PLEKHA5: variants seen among roughly 807,000 people sequenced by gnomAD.
PLEKHA5 encodes the protein pleckstrin homology domain-containing family A member 5.
A neutral mutation model predicts 181.9 loss-of-function variants in PLEKHA5; 55 were observed. The ratio of observed to expected loss-of-function variants is 0.30; its 90% confidence interval spans 0.24 to 0.38. PLEKHA5 has a LOEUF of 0.38. PLEKHA5 is among the 10% of genes least tolerant of loss of function. PLEKHA5 has a pLI of 1.00. For synonymous variants in PLEKHA5, 535 were observed against 529.4 expected (o/e 1.01, Z -0.15); for missense variants, 1,432 against 1,549.5 (o/e 0.92, Z 1.27).
intron 20 of PLEKHA5, among the ~76,000 whole-genome samples, chr12:19,334,831 TATATATATATATATATATATATA>T: frequency 1.3e-4 from 1 of 7,804 alleles, no homozygotes; most frequent in African/African-American, 2.9e-4. Context: ...AAAAAAAAAA[TATATATATATATATATATATATA>T]TATATATATA....
intron 3 of PLEKHA5, chr12:19,154,262 C>G (rs1355965243): frequency 6.6e-6 from 1 of 151,850 alleles, no homozygotes; most frequent in Non-Finnish European, 1.5e-5. Context: ...TTGGGTGTAT[C>G]TTTTTAAAAT....
rs539702412 is a variant in PLEKHA5 at position 19,214,165 on chromosome 12, T to G, written c.228-39775T>G. On this transcript the variant is annotated intron_variant, in intron 3 of 31. Coordinates refer to ENST00000429027, the MANE Select transcript of PLEKHA5 (RefSeq NM_001256470.2). ...GTCTAGCTGCTGTGTAAAGGAATGC[T>G]AATTCAGCAGAGCAGACCTAGCAGA... is the stretch of plus-strand genomic sequence containing the variant. Among the ~76,000 whole-genome samples the G allele has an allele frequency of 2.0e-5, 3 of 152,286 alleles. No homozygotes were observed. In the East Asian group the frequency reaches 5.8e-4, roughly 29 times the overall value.
At position 19,248,650 on chromosome 12, in the gene PLEKHA5, A is replaced by G. The variant is rs569805504; in HGVS notation, c.228-5290A>G. 2.4e-4 allele frequency among the ~76,000 whole-genome samples: 36 copies of G among 152,246 alleles called. 1 individual carries two copies. The highest frequency in any genetic ancestry group is 3.5e-3 in the Middle Eastern group (1 of 288). On this transcript the variant is annotated intron_variant, in intron 3 of 31. Transcript: ENST00000429027. ...ATAGCCTAGGTTTATATATAAATATATTTTCTATTTTTATAGTAGGCAGTA... is the reference window on the plus strand; with the variant it reads ...ATAGCCTAGGTTTATATATAAATATGTTTTCTATTTTTATAGTAGGCAGTA...
At chr12:19,334,829 A>AAAAAAAAAATATATATATATATATAT in intron 20 of PLEKHA5, among the ~76,000 whole-genome samples, 2 of 18,606 alleles carry the variant, frequency 1.1e-4, no homozygotes, top group Non-Finnish European at 1.4e-4. Flanking sequence ...AAAAAAAAAA[A>AAAAAAAAAATATATATATATATATAT]ATATATATAT....
rs1201134236 is a variant in PLEKHA5, at chr12:19,358,438, G to A, written c.3348+1G>A. ...GGATAATCCATTTAGGACTACTCAGGTATATGAATTGCATTTGATTATTAT... is the reference window on the plus strand; with the variant it reads ...GGATAATCCATTTAGGACTACTCAGATATATGAATTGCATTTGATTATTAT... On this transcript the variant is annotated splice_donor_variant, in intron 27 of 31. Coordinates refer to ENST00000429027, the MANE Select transcript of PLEKHA5 (RefSeq NM_001256470.2). LOFTEE classifies it high-confidence loss of function. The A allele has an allele frequency of 1.3e-6, 2 of 1,571,540 alleles. No homozygotes were observed. The highest frequency in any genetic ancestry group is 1.8e-6 in the Non-Finnish European group (2 of 1,142,602).
Position 19,283,444 on chromosome 12 carries a change from G to C in PLEKHA5, c.1478G>C (p.Gly493Ala), listed in dbSNP as rs1203033795. ...PSTHDKTLGP[G>A]AEEKRRSMRD... ...ACTCATGACAAGACATTAGGACCCGGAGCGGAGGAGAAACGGAGGTCCATG... is the reference window on the plus strand; with the variant it reads ...ACTCATGACAAGACATTAGGACCCGCAGCGGAGGAGAAACGGAGGTCCATG... Residue 493 changes from glycine to alanine, a missense_variant, in exon 12 of 32, where the codon GGA becomes GCA. Coordinates refer to ENST00000429027, the MANE Select transcript of PLEKHA5 (RefSeq NM_001256470.2). 6.2e-7 allele frequency: 1 copy of C among 1,614,070 alleles called. No individual in the cohort carries two copies.
At chr12:19,290,279 G>A (rs1235547352) in intron 13 of PLEKHA5, among the ~76,000 whole-genome samples, 5 of 152,172 alleles carry the variant, frequency 3.3e-5, no homozygotes. Flanking sequence ...AGTTGGACAT[G>A]CAGGTATTTG....
At chr12:19,367,596 T>C (rs1209406245) in intron 30 of PLEKHA5, among the ~76,000 whole-genome samples, 1 of 151,358 alleles carries the variant, frequency 6.6e-6, no homozygotes, top group Non-Finnish European at 1.5e-5. Flanking sequence ...TATTTTATTT[T>C]TGAGATGGAG....
rs78865905 is a variant in PLEKHA5, at chr12:19,336,160, A to G, written c.2449-355A>G. 8.5e-3 allele frequency among the ~76,000 whole-genome samples: 1,295 copies of G among 152,308 alleles called. 16 individuals are homozygous for G. The highest frequency in any genetic ancestry group is 0.03 in the African/African-American group (1,240 of 41,550). On this transcript the variant is annotated intron_variant, in intron 20 of 31. Transcript: ENST00000429027. ...AATTCATTTGTTTTATTGTATTACT[A>G]TAAGCTTATTGTAAGTAAAGTCATG...
chr12:19,254,466 T>C lies in PLEKHA5; in HGVS notation c.311+443T>C, dbSNP rs547372619. Among the ~76,000 whole-genome samples the C allele has an allele frequency of 2.0e-5, 3 of 152,358 alleles. No homozygotes were observed. In the South Asian group the frequency reaches 6.2e-4, roughly 32 times the overall value. On this transcript the variant is annotated intron_variant, in intron 4 of 31. Transcript: ENST00000429027. ...TTTTAAAATTAGAATAATCTCATAATTCATTTTTAATTTTTCAGTTGGGTG... is the reference window on the plus strand; with the variant it reads ...TTTTAAAATTAGAATAATCTCATAACTCATTTTTAATTTTTCAGTTGGGTG...
rs1409966132 is a variant in PLEKHA5, at chr12:19,347,163, C to T, written c.2879C>T (p.Pro960Leu). ...EKKMYQVQGY[P>L]RNGSHCGPDY... Reference sequence around the variant, plus strand: ...AAGATGTATCAAGTTCAAGGATATCCAAGAAATGGATCTCACTGTGTAAGT... The same window carrying T: ...AAGATGTATCAAGTTCAAGGATATCTAAGAAATGGATCTCACTGTGTAAGT... The change falls in exon 24 of 32, where the codon CCA becomes CTA. Residue 960 changes from proline to leucine, a missense_variant. Coordinates refer to ENST00000429027, the MANE Select transcript of PLEKHA5 (RefSeq NM_001256470.2). 1 of 1,544,720 alleles carries T rather than the reference C, an allele frequency of 6.5e-7. No homozygotes were observed. The highest frequency in any genetic ancestry group is 1.4e-5 in the African/African-American group (1 of 72,892).
At chr12:19,324,531 T>C (rs2091653387) in intron 20 of PLEKHA5, among the ~76,000 whole-genome samples, 3 of 152,196 alleles carry the variant, frequency 2.0e-5, no homozygotes, top group Admixed American at 2.0e-4. Context: ...CCAGATCTTC[T>C]TACCACATTT....
At chr12:19,307,789 A>G (rs1194102408) in intron 15 of PLEKHA5, among the ~76,000 whole-genome samples, 1 of 152,068 alleles carries the variant, frequency 6.6e-6, no homozygotes. Context: ...CACCCCCAGA[A>G]AGTTACAGCA....
At chr12:19,330,993 T>C (rs1360257122) in intron 20 of PLEKHA5, among the ~76,000 whole-genome samples, 1 of 152,176 alleles carries the variant, frequency 6.6e-6, no homozygotes, top group Admixed American at 6.6e-5. Flanking sequence ...GTCAATACTT[T>C]TCCAAAGTTG....
At chr12:19,361,536 G>A (rs2095244622) in intron 28 of PLEKHA5, 46 bp from the exon 29 acceptor site, 1 of 974,446 alleles carries the variant, frequency 1.0e-6, no homozygotes, top group Non-Finnish European at 1.6e-6. Flanking sequence ...CTAATCTAAT[G>A]TGATAAGAAT....
chr12:19,368,319 C>A (rs567236365), intron 30 of PLEKHA5, among the ~76,000 whole-genome samples: 7 of 152,046 alleles, frequency 4.6e-5, no homozygotes, highest in Admixed American at 4.6e-4. Context: ...AACAAGACAA[C>A]GTTTCTACTA....
intron 15 of PLEKHA5, chr12:19,306,840 G>T: frequency 1.2e-6 from 1 of 803,148 alleles, no homozygotes. Context: ...CCTTGACAGA[G>T]CTTTGATAAC....
intron 30 of PLEKHA5, among the ~76,000 whole-genome samples, chr12:19,366,691 A>G (rs990938712): frequency 3.9e-5 from 6 of 152,064 alleles, no homozygotes; most frequent in African/African-American, 7.2e-5. Flanking sequence ...TGGAAAATCT[A>G]TCTGTTCTCA....
At chr12:19,275,096 T>A in intron 11 of PLEKHA5, 113 bp downstream of exon 11, 1 of 654,868 alleles carries the variant, frequency 1.5e-6, no homozygotes, top group Non-Finnish European at 2.6e-6. Context: ...TTAGCTGTTA[T>A]AGCTTCATTA....
Sources: gnomAD v4.1 joint callset for allele counts (sites outside exome capture counted in the v4.1 genomes callset) on GRCh38, gnomAD v4.1.1 for gene constraint, MANE v1.5 for transcripts, NCBI Gene and HGNC (gene_info 2026-07-23, HGNC 2026-07-21) for gene names.